The following CCDC171 variants were observed in gnomAD, a reference collection of about 807,000 sequenced individuals.
CCDC171 encodes the protein coiled-coil domain containing 171, also known as coiled-coil domain-containing protein 171.
Under a neutral mutation model 168.2 loss-of-function variants are expected in CCDC171, and 177 were observed. The observed-to-expected ratio is 1.05, with a 90% CI of 0.93 to 1.19. CCDC171 has a LOEUF of 1.19. Ranked by LOEUF, CCDC171 falls within the 50% of genes most tolerant of loss-of-function variation. CCDC171 has a pLI of 0.00. For synonymous variants in CCDC171, 687 were observed against 540.8 expected, an observed-to-expected ratio of 1.27 and a Z score of -3.75; for missense variants, 1,991 against 1,539.0, an observed-to-expected ratio of 1.29 and a Z score of -4.91.
At chr9:15,892,694 A>G (rs1252945142) in intron 24 of CCDC171, among the ~76,000 whole-genome samples, 2 of 151,894 alleles carry the variant, frequency 1.3e-5, no homozygotes, top group African/African-American at 4.8e-5. Context: ...GCTGCAAAAA[A>G]CAAACAAACA....
the CCDC171 span, among the ~76,000 whole-genome samples, chr9:16,074,082 TG>T: frequency 6.6e-6 from 1 of 152,104 alleles, no homozygotes; most frequent in African/African-American, 2.4e-5. Context: ...GAGGAGAGGA[TG>T]GGGGTTTCTA....
intron 16 of CCDC171, among the ~76,000 whole-genome samples, chr9:15,742,422 T>G (rs1238006970): frequency 2.0e-5 from 3 of 152,234 alleles, no homozygotes; most frequent in Non-Finnish European, 2.9e-5. Flanking sequence ...ACGATGCTGT[T>G]TTCTGCCTCT....
chr9:15,655,347 T>C (rs2047847338), intron 7 of CCDC171, among the ~76,000 whole-genome samples: 1 of 152,224 alleles, frequency 6.6e-6, no homozygotes. Flanking sequence ...GGCTTTTCTT[T>C]GCTACTGTTA....
At chr9:16,006,693 G>A (rs1259197589) in intron 3 of CCDC171, among the ~76,000 whole-genome samples, 1 of 150,666 alleles carries the variant, frequency 6.6e-6, no homozygotes, top group Non-Finnish European at 1.5e-5. Context: ...TTGGTTTTTT[G>A]TCCTTGCGAC....
chr9:16,069,020 T>C, the CCDC171 span, among the ~76,000 whole-genome samples: 1 of 152,164 alleles, frequency 6.6e-6, no homozygotes, highest in African/African-American at 2.4e-5. Context: ...GGAGGGAGGA[T>C]TAAGACTGAG....
At position 15,924,303 on chromosome 9, in the gene CCDC171, GTCAGTTGCTAACTA is replaced by G. The variant is rs1322687459; in HGVS notation, c.3753+3883_3753+3896del. Reference sequence around the variant, plus strand: ...AAGTTTGGATTCAGATTCTGGTTCTGTCAGTTGCTAACTATGTGGCTTGCATGTCAGGGCTTTCA... The same window carrying G: ...AAGTTTGGATTCAGATTCTGGTTCTGTGTGGCTTGCATGTCAGGGCTTTCA... On this transcript the variant is annotated intron_variant, in intron 25 of 25. Coordinates refer to ENST00000380701, the MANE Select transcript of CCDC171 (RefSeq NM_173550.4). Among the ~76,000 whole-genome samples, 32 of 151,322 alleles carry G rather than the reference GTCAGTTGCTAACTA, an allele frequency of 2.1e-4. No homozygotes were observed. In the Admixed American group the frequency reaches 2.1e-3, roughly 10 times the overall value.
chr9:15,649,106 C>T (rs1564134803), intron 7 of CCDC171, among the ~76,000 whole-genome samples: 1 of 152,118 alleles, frequency 6.6e-6, no homozygotes, highest in South Asian at 2.1e-4. Context: ...CACCTACAAC[C>T]ATCTGATCTT....
intron 6 of CCDC171, among the ~76,000 whole-genome samples, chr9:15,621,918 G>GAT (rs1194519838): frequency 6.6e-6 from 1 of 152,128 alleles, no homozygotes; most frequent in East Asian, 1.9e-4. Context: ...AAGAAAATGT[G>GAT]ATATATATAC....
chr9:15,725,214 T>C (rs1050243912), intron 14 of CCDC171, among the ~76,000 whole-genome samples: 8 of 152,198 alleles, frequency 5.3e-5, no homozygotes, highest in African/African-American at 1.9e-4. Flanking sequence ...AACTATCTTT[T>C]TGGACTTTTA....
chr9:15,603,005 G>T (rs983957956), intron 6 of CCDC171, among the ~76,000 whole-genome samples: 2 of 150,618 alleles, frequency 1.3e-5, no homozygotes, highest in South Asian at 4.2e-4. Context: ...TTTTTGAGAC[G>T]GAGTCTCACT....
intron 24 of CCDC171, among the ~76,000 whole-genome samples, chr9:15,889,494 C>T (rs1819907407): frequency 6.6e-6 from 1 of 152,056 alleles, no homozygotes; most frequent in African/African-American, 2.4e-5. Flanking sequence ...TGTTTTGAGT[C>T]ATAAAGGAAT....
intron 7 of CCDC171, among the ~76,000 whole-genome samples, chr9:15,624,707 T>A (rs2044895812): frequency 6.6e-6 from 1 of 152,134 alleles, no homozygotes; most frequent in South Asian, 2.1e-4. Flanking sequence ...TAATCCAGTC[T>A]ATCATTGTTG....
At chr9:15,703,505 T>G (rs2051956946) in intron 11 of CCDC171, among the ~76,000 whole-genome samples, 1 of 152,310 alleles carries the variant, frequency 6.6e-6, no homozygotes, top group South Asian at 2.1e-4. Flanking sequence ...AGTGAAAACA[T>G]GTAGTATTTG....
At position 15,790,239 on chromosome 9, in the gene CCDC171, C is replaced by T. The variant is rs574181550; in HGVS notation, c.3267+5545C>T. Among the ~76,000 whole-genome samples the T allele has an allele frequency of 7.2e-5, 11 of 152,328 alleles. No homozygotes were observed. The South Asian group carries it at 2.3e-3, about 32-fold the overall frequency. On this transcript the variant is annotated intron_variant, in intron 21 of 25. Transcript: ENST00000380701. ...CAATGGTGTAAAAGTGTTCCTGTTT[C>T]TCCACATTGTCTTCAGCACCTGTTG...
At chr9:15,833,719 A>G (rs1230362167) in intron 21 of CCDC171, among the ~76,000 whole-genome samples, 2 of 152,230 alleles carry the variant, frequency 1.3e-5, no homozygotes, top group Non-Finnish European at 2.9e-5. Flanking sequence ...TCCTTGCATT[A>G]GATAAAAATA....
chr9:15,817,946 G>A (rs375440280), intron 21 of CCDC171, among the ~76,000 whole-genome samples: 1 of 117,922 alleles, frequency 8.5e-6, no homozygotes, highest in East Asian at 2.1e-4. Flanking sequence ...GCATCCCCCG[G>A]TAGGGGCAGA....
At chr9:16,009,009 C>T (rs562898192) in intron 3 of CCDC171, among the ~76,000 whole-genome samples, 51 of 151,586 alleles carry the variant, frequency 3.4e-4, no homozygotes, top group East Asian at 7.7e-4. Flanking sequence ...CCTTTTCTTC[C>T]GCAATAATAC....
At position 15,812,073 on chromosome 9, in the gene CCDC171, A is replaced by G. The variant is rs142448939; in HGVS notation, c.3267+27379A>G. Among the ~76,000 whole-genome samples the G allele has an allele frequency of 1.8e-3, 268 of 152,322 alleles. 2 individuals carry two copies. The highest frequency in any genetic ancestry group is 6.0e-3 in the African/African-American group (251 of 41,570). ...TCTTGGCTTTGGCACTCTGGTTTGAACAAGGTATTAAAAAAAGAGAAGTGA... is the reference window on the plus strand; with the variant it reads ...TCTTGGCTTTGGCACTCTGGTTTGAGCAAGGTATTAAAAAAAGAGAAGTGA... On this transcript the variant is annotated intron_variant, in intron 21 of 25. Transcript: ENST00000380701.
At chr9:15,869,511 G>GTT (rs1491415967) in intron 23 of CCDC171, among the ~76,000 whole-genome samples, 2 of 70,032 alleles carry the variant, frequency 2.9e-5, no homozygotes, top group African/African-American at 7.5e-5. Context: ...TGAAAGCGTA[G>GTT]TGTTTTTTTT....
Sources: allele counts gnomAD v4.1 joint callset (sites outside exome capture counted in the v4.1 genomes callset), GRCh38; gene constraint gnomAD v4.1.1; transcripts MANE v1.5; gene names NCBI Gene and HGNC (gene_info 2026-07-23, HGNC 2026-07-21).